Variants in RHBDD1 observed in about 807,000 individuals in gnomAD.
The protein encoded by RHBDD1 is rhomboid domain containing 1, also known as rhomboid-related protein 4.
Under a neutral mutation model 36.3 loss-of-function variants are expected in RHBDD1, and 38 were observed. The observed-to-expected ratio is 1.05, with a 90% confidence interval of 0.81 to 1.37. The LOEUF (loss-of-function observed/expected upper bound fraction) is 1.37. RHBDD1 is among the 40% of genes most tolerant of loss of function. The pLI is 0.00. For missense variants in RHBDD1, 393 were observed against 377.6 expected (o/e 1.04, Z -0.34); for synonymous variants, 151 against 136.5 (o/e 1.11, Z -0.74).
intron 4 of RHBDD1, among the ~76,000 whole-genome samples, chr2:226,866,696 A>G (rs1944377019): frequency 6.6e-6 from 1 of 152,208 alleles, no homozygotes; most frequent in African/African-American, 2.4e-5. Flanking sequence ...AAACAAGGAA[A>G]TCTAATCCTT....
chr2:226,848,984 ACTAT>A (rs1942519011), intron 3 of RHBDD1, among the ~76,000 whole-genome samples: 2 of 152,322 alleles, frequency 1.3e-5, no homozygotes, highest in East Asian at 3.9e-4. Context: ...TTTTAGAATA[ACTAT>A]CAATCAGTAG....
At chr2:226,817,935 T>C in the RHBDD1 span, among the ~76,000 whole-genome samples, 2 of 152,234 alleles carry the variant, frequency 1.3e-5, no homozygotes, top group African/African-American at 4.8e-5. Flanking sequence ...TTCACATAGA[T>C]CCCTAGGTCT....
intron 5 of RHBDD1, among the ~76,000 whole-genome samples, chr2:226,869,799 G>A (rs927032388): frequency 6.6e-6 from 1 of 152,084 alleles, no homozygotes; most frequent in African/African-American, 2.4e-5. Context: ...CTTCACATCC[G>A]GCTTTCCATT....
At chr2:226,852,949 T>A (rs908789630) in intron 3 of RHBDD1, among the ~76,000 whole-genome samples, 1 of 107,966 alleles carries the variant, frequency 9.3e-6, no homozygotes, top group African/African-American at 3.1e-5. Context: ...TATTATTATT[T>A]GTAGAGATGA....
chr2:226,956,794 T>A (rs1951817328), intron 8 of RHBDD1, among the ~76,000 whole-genome samples: 1 of 152,206 alleles, frequency 6.6e-6, no homozygotes, highest in Admixed American at 6.5e-5. Flanking sequence ...ATCCTAAGCA[T>A]GACACAGAGA....
At chr2:226,801,598 G>A in the RHBDD1 span, among the ~76,000 whole-genome samples, 1 of 152,096 alleles carries the variant, frequency 6.6e-6, no homozygotes, top group Non-Finnish European at 1.5e-5. Context: ...ATGTTGAATT[G>A]AAAGCCCTCC....
At chr2:226,990,138 G>A (rs932614511) in intron 8 of RHBDD1, among the ~76,000 whole-genome samples, 1 of 152,124 alleles carries the variant, frequency 6.6e-6, no homozygotes, top group African/African-American at 2.4e-5. Context: ...GTAAAGTGTG[G>A]TTACTGTCTT....
intron 8 of RHBDD1, among the ~76,000 whole-genome samples, chr2:226,960,150 C>G (rs531734475): frequency 2.6e-5 from 4 of 152,294 alleles, no homozygotes; most frequent in African/African-American, 9.6e-5. Flanking sequence ...AACTGTCAAG[C>G]TGTTTTCCAA....
At chr2:226,975,504 C>G (rs558644101) in intron 8 of RHBDD1, among the ~76,000 whole-genome samples, 1 of 152,162 alleles carries the variant, frequency 6.6e-6, no homozygotes, top group African/African-American at 2.4e-5. Flanking sequence ...TTATTTCCCC[C>G]TCGGGCCACC....
chr2:226,927,886 C>T (rs1449823827), intron 8 of RHBDD1, among the ~76,000 whole-genome samples: 2 of 152,030 alleles, frequency 1.3e-5, no homozygotes, highest in Non-Finnish European at 2.9e-5. Context: ...CAAATATTTT[C>T]CCTGAGTCTG....
At chr2:226,952,675 T>C (rs570580432) in intron 8 of RHBDD1, among the ~76,000 whole-genome samples, 2 of 152,310 alleles carry the variant, frequency 1.3e-5, no homozygotes, top group African/African-American at 4.8e-5. Context: ...TTTAAAAATA[T>C]ATAGAAAACC....
chr2:226,835,898 GGCGCACGCGGTCTGCAGACAGCAGA>G (rs1451538814), upstream of RHBDD1: 3 of 152,356 alleles, frequency 2.0e-5, no homozygotes, highest in Admixed American at 2.0e-4. Context: ...AGCCACTGCC[GGCGCACGCGGTCTGCAGACAGCAGA>G]GCGCGGGCGC....
chr2:226,848,427 A>G (rs1046505286), intron 3 of RHBDD1, among the ~76,000 whole-genome samples: 4 of 152,218 alleles, frequency 2.6e-5, no homozygotes, highest in Non-Finnish European at 4.4e-5. Flanking sequence ...TCAAAGTGTC[A>G]TATCTTACTA....
intron 8 of RHBDD1, among the ~76,000 whole-genome samples, chr2:226,928,344 A>G (rs1383877367): frequency 6.6e-6 from 1 of 152,132 alleles, no homozygotes; most frequent in African/African-American, 2.4e-5. Context: ...TCAGTTCTAA[A>G]AGGAATCCAC....
intron 3 of RHBDD1, among the ~76,000 whole-genome samples, chr2:226,842,933 C>G (rs554610171): frequency 3.3e-5 from 5 of 152,058 alleles, no homozygotes; most frequent in Non-Finnish European, 7.4e-5. Context: ...CCATTTGTGT[C>G]CTCTCTAATT....
chr2:226,965,041 T>A (rs1952514327), intron 8 of RHBDD1, among the ~76,000 whole-genome samples: 1 of 152,228 alleles, frequency 6.6e-6, no homozygotes, highest in Non-Finnish European at 1.5e-5. Flanking sequence ...CTGAAAGATA[T>A]GACCACCCAG....
At chr2:226,818,985 A>G in the RHBDD1 span, among the ~76,000 whole-genome samples, 3 of 152,196 alleles carry the variant, frequency 2.0e-5, no homozygotes, top group Non-Finnish European at 4.4e-5. Flanking sequence ...CCATGACTCC[A>G]GATCATTTCC....
chr2:226,897,310 GTC>G (rs548414492), intron 5 of RHBDD1, among the ~76,000 whole-genome samples: 7,555 of 59,212 alleles, frequency 0.13, 320 homozygotes, highest in Admixed American at 0.24. Context: ...AGGTGTGTGT[GTC>G]TGTCTGTCTG....
chr2:226,822,326 C>G, the RHBDD1 span, among the ~76,000 whole-genome samples: 1 of 146,402 alleles, frequency 6.8e-6, no homozygotes, highest in Non-Finnish European at 1.5e-5. Context: ...GATGCTTGCT[C>G]TTTTGCGTAC....
Sources: allele counts gnomAD v4.1 joint callset (sites outside exome capture counted in the v4.1 genomes callset), GRCh38; gene constraint gnomAD v4.1.1; transcripts MANE v1.5; gene names NCBI Gene and HGNC (gene_info 2026-07-23, HGNC 2026-07-21).